ZNF138: variants seen among roughly 807,000 people sequenced by gnomAD.
ZNF138 encodes the protein zinc finger protein 138, also known as zinc finger protein 138 (clone pHZ-32).
A neutral mutation model predicts 33.0 loss-of-function variants in ZNF138; 33 were observed. That is an observed-to-expected ratio of 1.00 (90% CI 0.76 to 1.34). ZNF138 has a LOEUF of 1.34. Among genes scored for constraint, ZNF138 ranks in the 40% most tolerant of loss-of-function variants. The pLI, the probability that ZNF138 is intolerant of heterozygous loss-of-function variation, is 0.00. For missense variants in ZNF138, 360 were observed against 370.8 expected (o/e 0.97, Z 0.24); for synonymous variants, 139 against 120.4 (o/e 1.15, Z -1.01).
intron 2 of ZNF138, 33 bp downstream of exon 2, chr7:64,815,077 T>C (rs777342507): frequency 3.3e-6 from 5 of 1,531,938 alleles, no homozygotes; most frequent in Admixed American, 2.2e-5. Context: ...TTTCCTAATA[T>C]ATCCTAAAGG....
At chr7:64,838,661 C>T (rs892100301), downstream of ZNF138, among the ~76,000 whole-genome samples, 9 of 152,124 alleles carry the variant, frequency 5.9e-5, no homozygotes, top group Non-Finnish European at 8.8e-5. Context: ...CCCTCCGCTG[C>T]CTCATCCAGG....
chr7:64,842,933 A>G, the ZNF138 span, among the ~76,000 whole-genome samples: 2 of 152,182 alleles, frequency 1.3e-5, no homozygotes, highest in African/African-American at 2.4e-5. Context: ...AACTTATTCT[A>G]TTAACTATAA....
intron 1 of ZNF138, among the ~76,000 whole-genome samples, chr7:64,803,258 GTT>G (rs60101981): frequency 8.8e-5 from 10 of 113,054 alleles, no homozygotes; most frequent in African/African-American, 1.3e-4. Context: ...TTTGGCAAAG[GTT>G]TTTTTTTTTT....
intron 1 of ZNF138, among the ~76,000 whole-genome samples, chr7:64,810,987 T>A (rs947184475): frequency 6.6e-6 from 1 of 152,250 alleles, no homozygotes; most frequent in Admixed American, 6.5e-5. Flanking sequence ...ACCAACCTGT[T>A]TTCTATTCTT....
rs570942160 is a variant in ZNF138, at chr7:64,801,562, G to C, written c.3+6991G>C. On this transcript the variant is annotated intron_variant, in intron 1 of 3. Transcript: ENST00000307355. ...ATTTTGGGATGTTTGAAATTGCTGAGGATTGTTTTATTTTGGATTGCGTGG... is the reference window on the plus strand; with the variant it reads ...ATTTTGGGATGTTTGAAATTGCTGACGATTGTTTTATTTTGGATTGCGTGG... 7.2e-5 allele frequency among the ~76,000 whole-genome samples: 11 copies of C among 152,232 alleles called. No homozygotes were observed. The South Asian group carries it at 2.3e-3, about 32-fold the overall frequency.
intron 1 of ZNF138, among the ~76,000 whole-genome samples, chr7:64,805,562 G>A (rs1413423339): frequency 1.1e-4 from 16 of 152,234 alleles, no homozygotes; most frequent in Admixed American, 1.0e-3. Context: ...ATTCATGTAA[G>A]ATGTAATCTG....
intron 3 of ZNF138, 137 bp from the exon 4 acceptor site, chr7:64,831,314 T>C: frequency 1.1e-6 from 1 of 942,816 alleles, no homozygotes. Context: ...TATATGTCTA[T>C]AAAGGAATTA....
the ZNF138 span, among the ~76,000 whole-genome samples, chr7:64,841,296 A>G: frequency 6.6e-6 from 1 of 152,102 alleles, no homozygotes; most frequent in Non-Finnish European, 1.5e-5. Context: ...ATAAGCCTGT[A>G]TTTTTTAACT....
At chr7:64,845,703 T>C in the ZNF138 span, among the ~76,000 whole-genome samples, 1 of 152,264 alleles carries the variant, frequency 6.6e-6, no homozygotes, top group Non-Finnish European at 1.5e-5. Context: ...TTCATATGTT[T>C]GCTGGCCATT....
At chr7:64,839,679 C>T in the ZNF138 span, among the ~76,000 whole-genome samples, 3 of 152,108 alleles carry the variant, frequency 2.0e-5, no homozygotes, top group East Asian at 1.9e-4. Flanking sequence ...GGCAAGTAAC[C>T]GGACGAAATG....
At chr7:64,835,039 C>T (rs1050888088), downstream of ZNF138, among the ~76,000 whole-genome samples, 1 of 151,994 alleles carries the variant, frequency 6.6e-6, no homozygotes, top group Non-Finnish European at 1.5e-5. Flanking sequence ...AGGTGCAGCG[C>T]GCTTTTATGG....
At chr7:64,825,786 C>A (rs1307394380) in intron 3 of ZNF138, among the ~76,000 whole-genome samples, 1 of 152,112 alleles carries the variant, frequency 6.6e-6, no homozygotes, top group East Asian at 1.9e-4. Context: ...ATCTGCCCAC[C>A]TTGGCCTCCC....
intron 3 of ZNF138, among the ~76,000 whole-genome samples, chr7:64,825,137 G>A (rs1789470127): frequency 7.2e-6 from 1 of 139,120 alleles, no homozygotes; most frequent in Admixed American, 7.3e-5. Flanking sequence ...TCTCTTGTAG[G>A]CCGCATGTTG....
At chr7:64,813,436 A>ATTT (rs1005556520) in intron 1 of ZNF138, among the ~76,000 whole-genome samples, 7 of 25,334 alleles carry the variant, frequency 2.8e-4, no homozygotes, top group Non-Finnish European at 3.7e-4. Context: ...CATAAAAATG[A>ATTT]TTTTTTTTTT....
the ZNF138 span, among the ~76,000 whole-genome samples, chr7:64,840,390 A>G: frequency 6.6e-6 from 1 of 152,142 alleles, no homozygotes; most frequent in African/African-American, 2.4e-5. Flanking sequence ...ATTAATGAAT[A>G]TCGTTCCCGT....
chr7:64,859,247 A>C, the ZNF138 span, among the ~76,000 whole-genome samples: 141,074 of 152,232 alleles, frequency 0.93, 65,503 homozygotes, highest in South Asian at 0.98. Context: ...TTTTAGTGAT[A>C]CTCAGATATG....
the ZNF138 span, among the ~76,000 whole-genome samples, chr7:64,851,539 T>C: frequency 4.9e-4 from 75 of 152,286 alleles, no homozygotes; most frequent in Admixed American, 3.9e-4. Context: ...TAAAATGTAT[T>C]AAACACTACC....
intron 3 of ZNF138, among the ~76,000 whole-genome samples, chr7:64,824,332 A>T (rs1433130444): frequency 6.6e-6 from 1 of 152,136 alleles, no homozygotes. Context: ...TTCCACCATG[A>T]TTGTAAGCTT....
rs200422747 is a variant in ZNF138, at chr7:64,802,917, TA to T, written c.3+8358del. On this transcript the variant is annotated intron_variant, in intron 1 of 3. Transcript: ENST00000307355. The stretch of plus-strand genomic sequence containing the variant: ...TGCCTCGTTTTGTCTTGTCTTATGT[TA>T]AAAAAAAAAAATGCAGATTCACTGA... 5.8e-3 allele frequency among the ~76,000 whole-genome samples: 847 copies of T among 145,506 alleles called. 6 individuals are homozygous for T. The highest frequency in any genetic ancestry group is 0.014 in the African/African-American group (556 of 39,896).
Sources: gnomAD v4.1 joint callset for allele counts (sites outside exome capture counted in the v4.1 genomes callset) on GRCh38, gnomAD v4.1.1 for gene constraint, MANE v1.5 for transcripts, NCBI Gene and HGNC (gene_info 2026-07-23, HGNC 2026-07-21) for gene names.